ITFG1: variants seen among roughly 807,000 people sequenced by gnomAD.
ITFG1 encodes the protein integrin alpha FG-GAP repeat containing 1, also known as T-cell immunomodulatory protein.
A neutral mutation model predicts 81.8 loss-of-function variants in ITFG1; 34 were observed. The observed-to-expected ratio is 0.42, with a 90% CI of 0.32 to 0.55. The LOEUF (loss-of-function observed/expected upper bound fraction) is 0.55, where lower values mean the gene tolerates loss of function less well. Among genes scored for constraint, ITFG1 ranks in the 20% least tolerant of loss-of-function variants. The pLI is 0.17. For missense variants in ITFG1, 672 were observed against 755.4 expected (o/e 0.89, Z 1.29); for synonymous variants, 285 against 270.6 (o/e 1.05, Z -0.52).
At chr16:47,268,687 T>C (rs1482424045) in intron 10 of ITFG1, among the ~76,000 whole-genome samples, 1 of 152,240 alleles carries the variant, frequency 6.6e-6, no homozygotes, top group Admixed American at 6.5e-5. Flanking sequence ...TTTTGAACCA[T>C]GTCTCTGCTC....
intron 14 of ITFG1, among the ~76,000 whole-genome samples, chr16:47,165,990 A>AAAG (rs746038757): frequency 2.0e-5 from 3 of 152,204 alleles, no homozygotes; most frequent in Non-Finnish European, 2.9e-5. Context: ...TTAACCTGAA[A>AAAG]AAGTAGTTCA....
intron 2 of ITFG1, among the ~76,000 whole-genome samples, chr16:47,455,600 C>T (rs891233808): frequency 4.6e-5 from 7 of 151,438 alleles, no homozygotes; most frequent in African/African-American, 1.5e-4. Flanking sequence ...AAAACCCTGT[C>T]ACTATTAAAA....
chr16:47,215,769 A>C (rs1194117949), intron 14 of ITFG1, among the ~76,000 whole-genome samples: 1 of 152,218 alleles, frequency 6.6e-6, no homozygotes, highest in Non-Finnish European at 1.5e-5. Context: ...AGTCTGGAGA[A>C]TATTATAAAA....
In ITFG1 at chr16:47,459,177, T is replaced by C; in HGVS notation, c.209-2A>G. 2 of 1,575,874 alleles carry C rather than the reference T, an allele frequency of 1.3e-6. No individual in the cohort carries two copies. Among genetic ancestry groups the C allele is most frequent in the Non-Finnish European group, 1.7e-6 (2 of 1,145,834 alleles). On this transcript the variant is annotated splice_acceptor_variant, in intron 1 of 17. Coordinates refer to ENST00000320640, the MANE Select transcript of ITFG1 (RefSeq NM_030790.5). LOFTEE classifies it high-confidence loss of function. ...CCAAAAAGACGATTAAGTCATTTCC[T>C]AAAGAAAACAAATATATGATATTAG...
intron 6 of ITFG1, among the ~76,000 whole-genome samples, chr16:47,402,693 G>A (rs1201825090): frequency 6.6e-6 from 1 of 152,186 alleles, no homozygotes; most frequent in Non-Finnish European, 1.5e-5. Flanking sequence ...GACTCGATTT[G>A]CTGGTCAGTG....
chr16:47,379,464 G>A (rs2151591784), intron 6 of ITFG1, among the ~76,000 whole-genome samples: 2 of 152,250 alleles, frequency 1.3e-5, no homozygotes, highest in South Asian at 4.1e-4. Flanking sequence ...GAGGCGGGCA[G>A]ATCACCTGAG....
intron 8 of ITFG1, among the ~76,000 whole-genome samples, chr16:47,334,998 T>C (rs1378951556): frequency 6.6e-6 from 1 of 152,158 alleles, no homozygotes; most frequent in East Asian, 1.9e-4. Context: ...ATGAGAAACA[T>C]GATACTAAAA....
At chr16:47,402,830 T>G (rs1453473604) in intron 6 of ITFG1, among the ~76,000 whole-genome samples, 2 of 152,212 alleles carry the variant, frequency 1.3e-5, no homozygotes, top group Non-Finnish European at 2.9e-5. Flanking sequence ...CATTATTATC[T>G]TGTGTGCTGA....
intron 14 of ITFG1, chr16:47,218,373 TAC>T (rs1965650750): frequency 1.3e-5 from 2 of 152,142 alleles, no homozygotes; most frequent in African/African-American, 2.4e-5. Flanking sequence ...TTGTCTTAAT[TAC>T]ATTTTCCTTT....
chr16:47,456,692 TAAA>T (rs550072378), intron 2 of ITFG1, among the ~76,000 whole-genome samples: 6 of 95,016 alleles, frequency 6.3e-5, no homozygotes, highest in Admixed American at 1.1e-4. Context: ...ACTCTGTCTC[TAAA>T]AAAAAAAAAA....
At chr16:47,323,872 C>T (rs542548471) in intron 8 of ITFG1, among the ~76,000 whole-genome samples, 21 of 152,124 alleles carry the variant, frequency 1.4e-4, no homozygotes, top group African/African-American at 4.6e-4. Flanking sequence ...TTTCTGAAGT[C>T]TGGAAGAGAA....
chr16:47,309,760 G>C (rs955096728), intron 10 of ITFG1, among the ~76,000 whole-genome samples: 6 of 152,206 alleles, frequency 3.9e-5, no homozygotes, highest in African/African-American at 1.4e-4. Flanking sequence ...TCACTGCTGA[G>C]TTAGCAGTTG....
At chr16:47,324,420 T>C (rs1180410831) in intron 8 of ITFG1, among the ~76,000 whole-genome samples, 2 of 152,116 alleles carry the variant, frequency 1.3e-5, no homozygotes, top group African/African-American at 2.4e-5. Context: ...AGGAAGAAAC[T>C]GCATCAACTA....
At chr16:47,362,909 T>G (rs1968127213) in intron 8 of ITFG1, among the ~76,000 whole-genome samples, 1 of 152,132 alleles carries the variant, frequency 6.6e-6, no homozygotes, top group Admixed American at 6.5e-5. Flanking sequence ...ATTTATTTAT[T>G]TTTTGAGAGG....
At chr16:47,396,645 G>T (rs1270044741) in intron 6 of ITFG1, among the ~76,000 whole-genome samples, 4 of 152,028 alleles carry the variant, frequency 2.6e-5, no homozygotes, top group Non-Finnish European at 4.4e-5. Context: ...GCAAGAGAGG[G>T]TTAGTAATAA....
At chr16:47,241,546 C>CACATAA (rs1449712117) in intron 12 of ITFG1, among the ~76,000 whole-genome samples, 1 of 152,220 alleles carries the variant, frequency 6.6e-6, no homozygotes, top group African/African-American at 2.4e-5. Context: ...AAGCCAGTCA[C>CACATAA]ACATAACCAT....
chr16:47,164,213 G>T (rs1378140914), intron 14 of ITFG1, among the ~76,000 whole-genome samples: 11 of 150,980 alleles, frequency 7.3e-5, no homozygotes, highest in African/African-American at 2.4e-4. Flanking sequence ...GAATTCTGTG[G>T]ATTCTGTATT....
At chr16:47,306,233 G>A (rs891119496) in intron 10 of ITFG1, among the ~76,000 whole-genome samples, 8 of 151,896 alleles carry the variant, frequency 5.3e-5, no homozygotes, top group Admixed American at 3.9e-4. Flanking sequence ...AGGCAGAAAA[G>A]AAAATAAAAA....
chr16:47,238,487 T>C (rs572603541), intron 12 of ITFG1, among the ~76,000 whole-genome samples: 7 of 152,278 alleles, frequency 4.6e-5, no homozygotes, highest in African/African-American at 1.7e-4. Context: ...ATAGAGAGCA[T>C]AACTATAAAA....
Sources: gnomAD v4.1 joint callset for allele counts (sites outside exome capture counted in the v4.1 genomes callset) on GRCh38, gnomAD v4.1.1 for gene constraint, MANE v1.5 for transcripts, NCBI Gene and HGNC (gene_info 2026-07-23, HGNC 2026-07-21) for gene names.